The following ELAPOR2 variants were observed in gnomAD, a reference collection of about 807,000 sequenced individuals.
ELAPOR2 encodes endosome/lysosome-associated apoptosis and autophagy regulator family member 2.
Under a neutral mutation model 120.7 loss-of-function variants are expected in ELAPOR2, and 89 were observed. The observed-to-expected ratio is 0.74, with a 90% confidence interval of 0.62 to 0.88. The LOEUF (loss-of-function observed/expected upper bound fraction) is 0.88. Ranked by LOEUF, ELAPOR2 falls within the 40% of genes least tolerant of loss-of-function variation. The pLI is 0.00. For synonymous variants in ELAPOR2, 444 were observed against 444.9 expected (o/e 1.00, Z 0.03); for missense variants, 1,134 against 1,251.6 (o/e 0.91, Z 1.42).
At chr7:86,914,444 G>A (rs1789465305) in intron 13 of ELAPOR2, among the ~76,000 whole-genome samples, 1 of 152,098 alleles carries the variant, frequency 6.6e-6, no homozygotes, top group Non-Finnish European at 1.5e-5. Flanking sequence ...TTAGAGAACT[G>A]CAAAATTAGA....
chr7:86,949,885 T>C (rs1304737608), intron 2 of ELAPOR2, among the ~76,000 whole-genome samples: 2 of 152,180 alleles, frequency 1.3e-5, no homozygotes, highest in South Asian at 2.1e-4. Flanking sequence ...GCAGGAGGCA[T>C]AGAGTCTCCT....
chr7:87,026,285 G>A (rs1794240837), intron 1 of ELAPOR2, among the ~76,000 whole-genome samples: 1 of 151,956 alleles, frequency 6.6e-6, no homozygotes, highest in African/African-American at 2.4e-5. Flanking sequence ...TGTTTAATAT[G>A]GTTAGTATGG....
At chr7:87,040,777 A>G (rs1794758117) in intron 1 of ELAPOR2, among the ~76,000 whole-genome samples, 1 of 152,262 alleles carries the variant, frequency 6.6e-6, no homozygotes. Context: ...GACTTTGACG[A>G]GTTGAGAGAA....
chr7:87,058,871 A>G (rs1795345117), intron 1 of ELAPOR2, among the ~76,000 whole-genome samples: 1 of 152,036 alleles, frequency 6.6e-6, no homozygotes, highest in Non-Finnish European at 1.5e-5. Flanking sequence ...AGTAGGACGA[A>G]GGCGTTTGCA....
chr7:86,968,935 G>T (rs1455860513), intron 1 of ELAPOR2, among the ~76,000 whole-genome samples: 2 of 152,058 alleles, frequency 1.3e-5, no homozygotes, highest in Non-Finnish European at 2.9e-5. Flanking sequence ...TGGAGACACT[G>T]CCCCAAATAA....
chr7:86,880,939 A>T (rs1009455622), intron 21 of ELAPOR2, among the ~76,000 whole-genome samples: 10 of 152,188 alleles, frequency 6.6e-5, no homozygotes, highest in Middle Eastern at 6.8e-3. Context: ...CAGAATAATA[A>T]GAAAAAGGAC....
intron 10 of ELAPOR2, among the ~76,000 whole-genome samples, chr7:86,922,337 T>C (rs370369900): frequency 1.3e-5 from 2 of 151,846 alleles, no homozygotes; most frequent in East Asian, 3.9e-4. Flanking sequence ...ATATTTTCCA[T>C]GTTTCTGTGT....
chr7:86,916,527 C>T (rs780764919), intron 12 of ELAPOR2, among the ~76,000 whole-genome samples: 6 of 152,152 alleles, frequency 3.9e-5, no homozygotes, highest in East Asian at 1.9e-4. Flanking sequence ...GCCATAAAGA[C>T]GCCATGTTAC....
chr7:86,880,600 CA>C, intron 21 of ELAPOR2, 70 bp from the exon 22 acceptor site: 1 of 972,774 alleles, frequency 1.0e-6, no homozygotes, highest in Non-Finnish European at 1.6e-6. Context: ...CTTACATGTC[CA>C]GAAGGAAAGT....
chr7:86,925,251 T>C (rs1289075479), intron 10 of ELAPOR2, among the ~76,000 whole-genome samples: 2 of 151,964 alleles, frequency 1.3e-5, no homozygotes, highest in African/African-American at 2.4e-5. Context: ...TTGGTAAATC[T>C]ATTCTGGCAT....
rs781371731 is a variant in ELAPOR2 at position 86,892,948 on chromosome 7, G to A, written c.2838C>T (p.Thr946=). The change falls in exon 20 of 22, where the codon ACC becomes ACT. Residue 946 remains threonine, a synonymous_variant. Coordinates refer to ENST00000450689, the MANE Select transcript of ELAPOR2 (RefSeq NM_001142749.3). ...TTTGATTCTTTTTCCAGAAGTAGCA[G>A]GTCAGAGCCACCAGCAAAACGGCAG... ...AFTAVLLVAL[T]CYFWKKNQKL... is the part of the protein sequence containing the mutation. The A allele has an allele frequency of 6.4e-7, 1 of 1,568,706 alleles. No individual in the cohort carries two copies. Among genetic ancestry groups the A allele is most frequent in the Non-Finnish European group, 8.6e-7 (1 of 1,165,514 alleles).
At chr7:87,023,694 T>A (rs1166400933) in intron 1 of ELAPOR2, among the ~76,000 whole-genome samples, 7 of 152,188 alleles carry the variant, frequency 4.6e-5, no homozygotes, top group Admixed American at 3.9e-4. Context: ...TTCCTACCCA[T>A]GAGCATGGAA....
At chr7:86,910,068 G>T in intron 15 of ELAPOR2, 67 bp from the exon 16 acceptor site, 2 of 1,264,662 alleles carry the variant, frequency 1.6e-6, no homozygotes, top group Non-Finnish European at 1.1e-6. Flanking sequence ...ATCTTGACTA[G>T]CTAGTGACCC....
intron 1 of ELAPOR2, among the ~76,000 whole-genome samples, chr7:86,976,618 G>C (rs1562951903): frequency 1.3e-5 from 2 of 152,120 alleles, no homozygotes; most frequent in East Asian, 1.9e-4. Context: ...ATAGACACTG[G>C]AAGGAACCAC....
chr7:86,993,737 A>G lies in ELAPOR2; in HGVS notation c.190-28713T>C, dbSNP rs113265599. Among the ~76,000 whole-genome samples, 942 of 152,326 alleles carry G rather than the reference A, an allele frequency of 6.2e-3. 10 individuals are homozygous for G. Among genetic ancestry groups the G allele is most frequent in the African/African-American group, 0.022 (911 of 41,572 alleles). ...GATCATTCCAAATCCTCTATAATCT[A>G]GTCCTGAAAGCCTTCTCAAAATCCA... On this transcript the variant is annotated intron_variant, in intron 1 of 21. Coordinates refer to ENST00000450689, the MANE Select transcript of ELAPOR2 (RefSeq NM_001142749.3).
chr7:86,993,234 C>CAAAA (rs1159917841), intron 1 of ELAPOR2, among the ~76,000 whole-genome samples: 1 of 57,144 alleles, frequency 1.7e-5, no homozygotes, highest in African/African-American at 5.8e-5. Flanking sequence ...GACTCCATCT[C>CAAAA]AAAAAAAAAA....
intron 1 of ELAPOR2, among the ~76,000 whole-genome samples, chr7:86,987,228 AAAACC>A (rs1792776791): frequency 6.6e-6 from 1 of 152,228 alleles, no homozygotes; most frequent in South Asian, 2.1e-4. Flanking sequence ...TGTATGATCT[AAAACC>A]ATAAAAACCC....
chr7:87,058,204 G>A (rs116020704), intron 1 of ELAPOR2, among the ~76,000 whole-genome samples: 13 of 152,116 alleles, frequency 8.5e-5, no homozygotes, highest in Non-Finnish European at 1.2e-4. Context: ...TGGATGATGT[G>A]TAGAACACAG....
At chr7:86,919,940 A>G (rs1789751559) in intron 10 of ELAPOR2, 1 of 152,132 alleles carries the variant, frequency 6.6e-6, no homozygotes, top group Non-Finnish European at 1.5e-5. Flanking sequence ...CTGCAAAGTA[A>G]CAATCAATAT....
Sources: allele counts gnomAD v4.1 joint callset (sites outside exome capture counted in the v4.1 genomes callset), GRCh38; gene constraint gnomAD v4.1.1; transcripts MANE v1.5; gene names NCBI Gene and HGNC (gene_info 2026-07-23, HGNC 2026-07-21).